GPD2: variants seen among roughly 807,000 people sequenced by gnomAD.
GPD2 encodes glycerol-3-phosphate dehydrogenase, mitochondrial.
GPD2 carries 54 observed loss-of-function variants against 82.4 expected under a neutral mutation model. That is an observed-to-expected ratio of 0.66 (90% confidence interval 0.53 to 0.82). The LOEUF is 0.82. Ranked by LOEUF, GPD2 falls within the 40% of genes least tolerant of loss-of-function variation. The pLI, the probability that GPD2 is intolerant of heterozygous loss-of-function variation, is 0.00. For synonymous variants in GPD2, 288 were observed against 306.1 expected (o/e 0.94, Z 0.62); for missense variants, 748 against 896.2 (o/e 0.83, Z 2.11).
chr2:156,508,136 G>T lies in GPD2; in HGVS notation c.275-2660G>T, dbSNP rs540252102. Among the ~76,000 whole-genome samples the T allele has an allele frequency of 3.3e-5, 5 of 152,044 alleles. No individual in the cohort carries two copies. The East Asian group carries it at 9.7e-4, about 29-fold the overall frequency. On this transcript the variant is annotated intron_variant, in intron 3 of 16. Coordinates refer to ENST00000438166, the MANE Select transcript of GPD2 (RefSeq NM_000408.5). ...CCAGTTTCAGTAAGTCAGGAATCTG[G>T]GTGAGCCTTAGCTGGGTACTGTGGC...
chr2:156,580,201 A>G (rs1171109359), intron 16 of GPD2, among the ~76,000 whole-genome samples: 2 of 152,192 alleles, frequency 1.3e-5, no homozygotes, highest in African/African-American at 2.4e-5. Flanking sequence ...AAAATTTTTA[A>G]AAAGTATGGT....
chr2:156,427,163 A>C, the GPD2 span, among the ~76,000 whole-genome samples: 1 of 152,214 alleles, frequency 6.6e-6, no homozygotes, highest in African/African-American at 2.4e-5. Flanking sequence ...AATGGCCTTG[A>C]CTGAGGCAGC....
chr2:156,401,589 T>G, the GPD2 span, among the ~76,000 whole-genome samples: 1 of 152,180 alleles, frequency 6.6e-6, no homozygotes, highest in African/African-American at 2.4e-5. Flanking sequence ...TAATGGAGAT[T>G]TGTTAGAAAT....
chr2:156,570,830 G>T (rs1687586064), intron 12 of GPD2, among the ~76,000 whole-genome samples: 2 of 152,188 alleles, frequency 1.3e-5, no homozygotes, highest in Admixed American at 6.6e-5. Context: ...TAAGCATAGA[G>T]AGGTAAGTGA....
At chr2:156,439,295 A>G (rs1682058402) in intron 1 of GPD2, among the ~76,000 whole-genome samples, 1 of 151,966 alleles carries the variant, frequency 6.6e-6, no homozygotes, top group Non-Finnish European at 1.5e-5. Flanking sequence ...TGTGTCAGAT[A>G]GGCCAGGTGC....
intron 3 of GPD2, among the ~76,000 whole-genome samples, chr2:156,502,862 AT>A (rs5835616): frequency 2.1e-3 from 317 of 151,590 alleles, no homozygotes; most frequent in African/African-American, 6.8e-3. Context: ...ATCCATTTAC[AT>A]TTTTTTTATT....
chr2:156,473,401 T>C (rs1683397933), intron 1 of GPD2, among the ~76,000 whole-genome samples: 1 of 152,190 alleles, frequency 6.6e-6, no homozygotes, highest in South Asian at 2.1e-4. Flanking sequence ...CCCACACATT[T>C]GGAAATACTA....
At chr2:156,527,731 T>C (rs1159007682) in intron 6 of GPD2, among the ~76,000 whole-genome samples, 1 of 152,178 alleles carries the variant, frequency 6.6e-6, no homozygotes, top group Non-Finnish European at 1.5e-5. Flanking sequence ...TTGTACTTGA[T>C]ATTTTTATGT....
chr2:156,494,137 T>C (rs1305122197), intron 2 of GPD2, among the ~76,000 whole-genome samples: 1 of 152,184 alleles, frequency 6.6e-6, no homozygotes, highest in Admixed American at 6.5e-5. Context: ...AATAAGATTT[T>C]TGTGGTTTGG....
chr2:156,456,641 A>G (rs1234359133), intron 1 of GPD2, among the ~76,000 whole-genome samples: 1 of 152,130 alleles, frequency 6.6e-6, no homozygotes, highest in African/African-American at 2.4e-5. Flanking sequence ...GAACTAATTA[A>G]TTCTGTATTC....
chr2:156,450,902 A>G (rs1414612904), intron 1 of GPD2, among the ~76,000 whole-genome samples: 1 of 130,968 alleles, frequency 7.6e-6, no homozygotes, highest in East Asian at 2.2e-4. Flanking sequence ...CTGTTTAACA[A>G]AGCACATCTT....
At chr2:156,401,248 T>A in the GPD2 span, among the ~76,000 whole-genome samples, 11 of 152,340 alleles carry the variant, frequency 7.2e-5, no homozygotes, top group African/African-American at 2.6e-4. Flanking sequence ...TATTGCTTAC[T>A]AGAAGACACT....
chr2:156,460,258 G>C (rs748903025), intron 1 of GPD2, among the ~76,000 whole-genome samples: 1 of 152,132 alleles, frequency 6.6e-6, no homozygotes, highest in Non-Finnish European at 1.5e-5. Context: ...AGCCCACTGG[G>C]GTCTGGTGAA....
chr2:156,511,930 G>T (rs1419881459), intron 4 of GPD2, among the ~76,000 whole-genome samples: 1 of 152,148 alleles, frequency 6.6e-6, no homozygotes, highest in African/African-American at 2.4e-5. Flanking sequence ...ACAATCCAGA[G>T]GATGCAAGAT....
the GPD2 span, among the ~76,000 whole-genome samples, chr2:156,420,191 T>C: frequency 1.3e-5 from 2 of 152,202 alleles, no homozygotes; most frequent in Non-Finnish European, 2.9e-5. Flanking sequence ...TTCCTTTTTT[T>C]TTCTTTTTGA....
intron 10 of GPD2, 31 bp downstream of exon 10, chr2:156,568,990 C>CTTTT (rs36082652): frequency 2.4e-4 from 301 of 1,253,682 alleles, no homozygotes; most frequent in South Asian, 4.2e-4. Context: ...ATTTTCTTTT[C>CTTTT]TTTTTTTTTT....
intron 6 of GPD2, among the ~76,000 whole-genome samples, chr2:156,542,175 G>A (rs774751330): frequency 3.3e-5 from 5 of 152,038 alleles, no homozygotes; most frequent in Admixed American, 1.3e-4. Context: ...GATCCACCCC[G>A]ATTGCTAATT....
chr2:156,495,691 G>T, intron 2 of GPD2: 1 of 406,598 alleles, frequency 2.5e-6, no homozygotes, highest in South Asian at 1.9e-5. Flanking sequence ...GCTAGTACTG[G>T]GTAAAAAAAT....
chr2:156,546,173 G>A (rs932139925), intron 6 of GPD2, among the ~76,000 whole-genome samples: 14 of 152,198 alleles, frequency 9.2e-5, no homozygotes, highest in African/African-American at 3.4e-4. Context: ...GATTTTCACA[G>A]TTCCCGTCTG....
Sources: allele counts gnomAD v4.1 joint callset (sites outside exome capture counted in the v4.1 genomes callset), GRCh38; gene constraint gnomAD v4.1.1; transcripts MANE v1.5; gene names NCBI Gene and HGNC (gene_info 2026-07-23, HGNC 2026-07-21).